TBC1D19: variants seen among roughly 807,000 people sequenced by gnomAD.
TBC1D19 encodes the protein TBC1 domain family, member 19.
A neutral mutation model predicts 89.0 loss-of-function variants in TBC1D19; 60 were observed. The ratio of observed to expected loss-of-function variants is 0.67; its 90% CI spans 0.55 to 0.84. The LOEUF is 0.84. Among genes scored for constraint, TBC1D19 ranks in the 40% least tolerant of loss-of-function variants. TBC1D19 has a pLI of 0.00. For missense variants in TBC1D19, 500 were observed against 610.8 expected (o/e 0.82, Z 1.91); for synonymous variants, 189 against 199.7 (o/e 0.95, Z 0.45).
chr4:26,789,846 C>T, the TBC1D19 span, among the ~76,000 whole-genome samples: 1 of 152,114 alleles, frequency 6.6e-6, no homozygotes, highest in East Asian at 1.9e-4. Flanking sequence ...CCATGGAATA[C>T]TATGCAGCCA....
At chr4:26,604,874 A>G (rs1439319568) in intron 1 of TBC1D19, among the ~76,000 whole-genome samples, 1 of 103,074 alleles carries the variant, frequency 9.7e-6, no homozygotes. Context: ...ACAGAGCGAG[A>G]ATCCATCTCA....
chr4:26,642,531 A>G (rs2110082621), intron 7 of TBC1D19, among the ~76,000 whole-genome samples: 1 of 152,352 alleles, frequency 6.6e-6, no homozygotes, highest in Admixed American at 6.5e-5. Flanking sequence ...CTAATGAGCA[A>G]AATAACCAGC....
chr4:26,754,936 A>G lies in TBC1D19; in HGVS notation c.1570A>G (p.Thr524Ala), dbSNP rs1283647272. The G allele has an allele frequency of 4.4e-6, 7 of 1,606,520 alleles. No individual in the cohort carries two copies. The highest frequency in any genetic ancestry group is 2.2e-5 in the South Asian group (2 of 90,284). ...MPLLQIFLFA[T>A]VT ...TCTTCTTCAGATTTTTCTGTTTGCT[A>G]CTGTCACCTGATCTTCTTCACAGTC... Residue 524 changes from threonine (T) to alanine (A), a missense_variant, in exon 21 of 21, where the codon ACT (threonine) becomes GCT (alanine). Around this residue, in one of 2 missense-constraint regions of TBC1D19, gnomAD observed 220 missense variants for 319.1 expected, o/e 0.69. Coordinates refer to ENST00000264866, the MANE Select transcript of TBC1D19 (RefSeq NM_018317.4).
At chr4:26,735,818 G>A (rs1718009858) in intron 16 of TBC1D19, among the ~76,000 whole-genome samples, 1 of 152,108 alleles carries the variant, frequency 6.6e-6, no homozygotes, top group Non-Finnish European at 1.5e-5. Flanking sequence ...CTGGCCATCA[G>A]AGAAATGCAA....
chr4:26,659,449 T>C, intron 7 of TBC1D19, 148 bp from the exon 8 acceptor site: 2 of 463,536 alleles, frequency 4.3e-6, no homozygotes, highest in Non-Finnish European at 7.8e-6. Flanking sequence ...AATATACTTT[T>C]ATACTATTTT....
At chr4:26,673,472 C>CACACACACACACAT (rs1381207843) in intron 10 of TBC1D19, among the ~76,000 whole-genome samples, 5 of 148,896 alleles carry the variant, frequency 3.4e-5, no homozygotes, top group African/African-American at 1.2e-4. Flanking sequence ...CACACACACA[C>CACACACACACACAT]ACAATACTAG....
the TBC1D19 span, among the ~76,000 whole-genome samples, chr4:26,827,642 C>T: frequency 1.3e-5 from 2 of 152,194 alleles, no homozygotes; most frequent in East Asian, 3.9e-4. Flanking sequence ...CTCACCTACT[C>T]AGCCCTAACT....
chr4:26,643,735 TA>T (rs1743713336), intron 7 of TBC1D19, among the ~76,000 whole-genome samples: 1 of 152,110 alleles, frequency 6.6e-6, no homozygotes, highest in Admixed American at 6.5e-5. Context: ...TAAAAAATGC[TA>T]AAGGGAATAT....
intron 1 of TBC1D19, among the ~76,000 whole-genome samples, chr4:26,598,976 AG>A (rs1740419082): frequency 6.6e-6 from 1 of 152,010 alleles, no homozygotes; most frequent in Non-Finnish European, 1.5e-5. Flanking sequence ...AATAGAAAGA[AG>A]GATAAAGCAG....
At chr4:26,695,928 T>C (rs1714735716) in intron 13 of TBC1D19, among the ~76,000 whole-genome samples, 1 of 152,152 alleles carries the variant, frequency 6.6e-6, no homozygotes, top group East Asian at 1.9e-4. Flanking sequence ...AGACCAGCGA[T>C]ACTAGGAAGA....
downstream of TBC1D19, among the ~76,000 whole-genome samples, chr4:26,756,922 A>G (rs549483863): frequency 4.3e-4 from 65 of 151,942 alleles, no homozygotes; most frequent in Non-Finnish European, 6.5e-4. Flanking sequence ...ACAACCACCC[A>G]CTTTGCTGCT....
chr4:26,633,352 A>G (rs2110064853), intron 4 of TBC1D19, among the ~76,000 whole-genome samples: 1 of 152,210 alleles, frequency 6.6e-6, no homozygotes, highest in South Asian at 2.1e-4. Context: ...CCAATTTGAT[A>G]TCTTCTGTGT....
intron 1 of TBC1D19, among the ~76,000 whole-genome samples, chr4:26,595,402 A>G (rs1043189874): frequency 1.3e-5 from 2 of 152,168 alleles, no homozygotes; most frequent in African/African-American, 4.8e-5. Context: ...TAAGAGCAGA[A>G]ATTTTTAATT....
chr4:26,686,328 AAGTC>A (rs1423873503), intron 12 of TBC1D19, among the ~76,000 whole-genome samples: 1 of 152,102 alleles, frequency 6.6e-6, no homozygotes, highest in Non-Finnish European at 1.5e-5. Context: ...GGAGGATGGA[AAGTC>A]ATAGATGTTC....
intron 8 of TBC1D19, among the ~76,000 whole-genome samples, chr4:26,660,004 CTGAT>C (rs1341588467): frequency 4.6e-5 from 7 of 152,080 alleles, no homozygotes; most frequent in African/African-American, 1.7e-4. Context: ...GGTTATAAAA[CTGAT>C]TGAGACAAAT....
intron 11 of TBC1D19, among the ~76,000 whole-genome samples, chr4:26,674,574 G>C (rs1712617443): frequency 6.6e-6 from 1 of 151,828 alleles, no homozygotes; most frequent in Non-Finnish European, 1.5e-5. Flanking sequence ...TAAAAACATG[G>C]GTTTTGGAAT....
rs1712554160 is a variant in TBC1D19, at chr4:26,673,813, C to T, written c.741C>T (p.Tyr247=). Residue 247 remains tyrosine, a synonymous_variant, in exon 11 of 21, where the codon TAC becomes TAT. Transcript: ENST00000264866. ...AAGATAGTGCTGCTGCTCAACAGTACATCAGACAAGGAAGTCCCACGGCAC... is the reference window on the plus strand; with the variant it reads ...AAGATAGTGCTGCTGCTCAACAGTATATCAGACAAGGAAGTCCCACGGCAC... ...AEQDSAAAQQ[Y]IRQGSPTALR... is the part of the protein sequence containing the mutation. The T allele has an allele frequency of 6.2e-7, 1 of 1,611,560 alleles. No individual in the cohort carries two copies. The highest frequency in any genetic ancestry group is 8.5e-7 in the Non-Finnish European group (1 of 1,178,400).
intron 13 of TBC1D19, among the ~76,000 whole-genome samples, chr4:26,707,699 CT>C (rs750253835): frequency 1.4e-4 from 21 of 151,800 alleles, no homozygotes; most frequent in Non-Finnish European, 2.2e-4. Context: ...TTTCTCTTCT[CT>C]TTTGTGTATA....
Position 26,672,199 on chromosome 4 carries a change from A to C in TBC1D19, c.703+12A>C. Reference sequence around the variant, plus strand: ...TATTGGGCAAAAAGGTAAGCTTTTAATTATAAATGTTATTATTTCTGAAAA... The same window carrying C: ...TATTGGGCAAAAAGGTAAGCTTTTACTTATAAATGTTATTATTTCTGAAAA... On this transcript the variant is annotated intron_variant, in intron 10 of 20. Transcript: ENST00000264866. 7.6e-7 allele frequency: 1 copy of C among 1,323,538 alleles called. No homozygotes were observed. The highest frequency in any genetic ancestry group is 1.3e-5 in the South Asian group (1 of 79,928). 82.0% of individuals were successfully genotyped at this position (1,323,538 alleles called of 1,614,324 possible).
Sources: gnomAD v4.1 joint callset for allele counts (sites outside exome capture counted in the v4.1 genomes callset) on GRCh38, gnomAD v4.1.1 for gene constraint, gnomAD v4.1.1 regional missense constraint, MANE v1.5 for transcripts, NCBI Gene and HGNC (gene_info 2026-07-23, HGNC 2026-07-21) for gene names.